Variants in EBF3 observed in about 807,000 individuals in gnomAD.
The protein encoded by EBF3 is transcription factor COE3.
In EBF3, 18 loss-of-function variants were observed where a neutral mutation model predicts 77.1. The observed-to-expected ratio is 0.23, with a 90% CI of 0.16 to 0.35. EBF3 has a LOEUF of 0.35. Ranked by LOEUF, EBF3 falls within the 10% of genes least tolerant of loss-of-function variation. The probability of loss-of-function intolerance (pLI) is 1.00; values close to 1 mark genes in which losing one functional copy is unlikely to be tolerated. For missense variants in EBF3, 558 were observed against 860.0 expected, an observed-to-expected ratio of 0.65 and a Z score of 4.39; for synonymous variants, 350 against 343.5, an observed-to-expected ratio of 1.02 and a Z score of -0.21.
At chr10:129,889,099 G>A (rs1853825161) in intron 6 of EBF3, among the ~76,000 whole-genome samples, 1 of 152,230 alleles carries the variant, frequency 6.6e-6, no homozygotes, top group South Asian at 2.1e-4. Flanking sequence ...AGGCAGCCCA[G>A]CATCTGCAGA....
chr10:129,895,264 CT>C (rs1343773728), intron 6 of EBF3, among the ~76,000 whole-genome samples: 3 of 152,224 alleles, frequency 2.0e-5, no homozygotes, highest in African/African-American at 7.2e-5. Context: ...CCTGGCTGCT[CT>C]TAGCTCCTGA....
At chr10:129,941,058 G>A (rs1024890637) in intron 6 of EBF3, among the ~76,000 whole-genome samples, 1 of 152,160 alleles carries the variant, frequency 6.6e-6, no homozygotes, top group Non-Finnish European at 1.5e-5. Flanking sequence ...GGGAGAGCCC[G>A]CCCACTCCCT....
At chr10:129,859,279 T>C (rs935689651) in intron 10 of EBF3, among the ~76,000 whole-genome samples, 2 of 152,224 alleles carry the variant, frequency 1.3e-5, no homozygotes, top group African/African-American at 4.8e-5. Flanking sequence ...TGGAGTGTGG[T>C]GGCACAATCT....
intron 6 of EBF3, among the ~76,000 whole-genome samples, chr10:129,881,799 C>T (rs886920921): frequency 3.3e-5 from 5 of 152,230 alleles, no homozygotes; most frequent in Admixed American, 6.5e-5. Flanking sequence ...GGTGCCACTC[C>T]GGATATCTTG....
At chr10:129,920,902 T>C (rs1303429094) in intron 6 of EBF3, among the ~76,000 whole-genome samples, 1 of 152,042 alleles carries the variant, frequency 6.6e-6, no homozygotes, top group East Asian at 1.9e-4. Flanking sequence ...GTCCTAGCTC[T>C]CCTGCCTGAG....
intron 6 of EBF3, among the ~76,000 whole-genome samples, chr10:129,890,065 C>T (rs920386188): frequency 2.0e-5 from 3 of 150,510 alleles, no homozygotes; most frequent in Non-Finnish European, 2.9e-5. Flanking sequence ...CTCATGTGCC[C>T]GAGTCCTTAC....
At position 129,910,632 on chromosome 10, in the gene EBF3, C is replaced by T. The variant is rs1457032014; in HGVS notation, c.555-32783G>A. ...AGGTGTACGGATTGTCCACCCAGCTCCTACGCTCCCTGCTGTGGGTCCCCC... is the reference window on the plus strand; with the variant it reads ...AGGTGTACGGATTGTCCACCCAGCTTCTACGCTCCCTGCTGTGGGTCCCCC... On this transcript the variant is annotated intron_variant, in intron 6 of 16. Coordinates refer to ENST00000440978, the MANE Select transcript of EBF3 (RefSeq NM_001375380.1). 2.0e-5 allele frequency among the ~76,000 whole-genome samples: 3 copies of T among 152,138 alleles called. No homozygotes were observed. In the East Asian group the frequency reaches 5.8e-4, roughly 29 times the overall value.
At chr10:129,956,254 C>T (rs896847077) in intron 6 of EBF3, among the ~76,000 whole-genome samples, 1 of 152,196 alleles carries the variant, frequency 6.6e-6, no homozygotes, top group Admixed American at 6.5e-5. Flanking sequence ...AGTTCATGAT[C>T]AAAAGATAAC....
chr10:129,918,683 C>T (rs923001918), intron 6 of EBF3, among the ~76,000 whole-genome samples: 2 of 152,206 alleles, frequency 1.3e-5, no homozygotes, highest in Non-Finnish European at 2.9e-5. Flanking sequence ...CAGGTCAGAG[C>T]CATCAGGAGT....
rs1404321538 is a variant in EBF3 at position 129,842,383 on chromosome 10, C to A, written c.1195-90G>T. 3 of 1,440,562 alleles carry A rather than the reference C, an allele frequency of 2.1e-6. No homozygotes were observed. The African/African-American group carries it at 4.3e-5, about 21-fold the overall frequency. 89.2% of individuals were successfully genotyped at this position (1,440,562 alleles called of 1,614,324 possible). On this transcript the variant is annotated intron_variant, in intron 12 of 16. Coordinates refer to ENST00000440978, the MANE Select transcript of EBF3 (RefSeq NM_001375380.1). The surrounding 1 kb of genome is among the most constrained non-coding windows in gnomAD (Gnocchi z 4.4). ...GGGGGCCCACCATGGTGGCATCCCA[C>A]TGTCCCTTGCCCAGACCATGACCAA...
At chr10:129,867,746 G>T (rs1456539990) in intron 9 of EBF3, 36 bp downstream of exon 9, 1 of 1,610,628 alleles carries the variant, frequency 6.2e-7, no homozygotes, top group South Asian at 1.1e-5. Flanking sequence ...CATGAAGACA[G>T]CAACAGCGCG....
intron 12 of EBF3, 105 bp downstream of exon 12, chr10:129,843,032 G>A: frequency 4.3e-6 from 5 of 1,152,420 alleles, no homozygotes; most frequent in Non-Finnish European, 6.3e-6. Context: ...GGAGTCGCTG[G>A]AAAAGCATGC....
intron 16 of EBF3, among the ~76,000 whole-genome samples, chr10:129,838,305 A>G (rs1464659656): frequency 3.3e-5 from 5 of 152,262 alleles, no homozygotes; most frequent in Admixed American, 2.6e-4. Context: ...TGCAAAGCCA[A>G]CGGAGGCCCG....
intron 6 of EBF3, among the ~76,000 whole-genome samples, chr10:129,932,822 A>G (rs1367060050): frequency 6.6e-6 from 1 of 151,922 alleles, no homozygotes; most frequent in East Asian, 1.9e-4. Flanking sequence ...AATTAAAACC[A>G]GCCGTCATCC....
At chr10:129,867,553 G>T (rs1419764094) in intron 9 of EBF3, among the ~76,000 whole-genome samples, 2 of 152,216 alleles carry the variant, frequency 1.3e-5, no homozygotes, top group Admixed American at 6.5e-5. Context: ...AGCACTAATT[G>T]TTCCAGTGGA....
chr10:129,926,989 G>A (rs563980800), intron 6 of EBF3, among the ~76,000 whole-genome samples: 91 of 152,326 alleles, frequency 6.0e-4, no homozygotes, highest in African/African-American at 2.1e-3. Context: ...ATCCTCCACC[G>A]TGGCCCCAGG....
intron 6 of EBF3, among the ~76,000 whole-genome samples, chr10:129,922,511 C>T (rs1856380865): frequency 6.6e-6 from 1 of 152,220 alleles, no homozygotes; most frequent in South Asian, 2.1e-4. Context: ...CCCTGGAGGG[C>T]AGGTCTGGGT....
intron 6 of EBF3, among the ~76,000 whole-genome samples, chr10:129,894,807 A>G (rs1257682196): frequency 5.9e-5 from 9 of 152,188 alleles, no homozygotes; most frequent in Admixed American, 5.9e-4. Context: ...GCTTCCTCTG[A>G]CAGTAGGTAA....
rs1853539120 is a variant in EBF3 at position 129,885,866 on chromosome 10, C to A, written c.555-8017G>T. Among the ~76,000 whole-genome samples the A allele has an allele frequency of 6.6e-6, 1 of 152,142 alleles. No individual in the cohort carries two copies. The highest frequency in any genetic ancestry group is 1.5e-5 in the Non-Finnish European group (1 of 68,026). ...TTACAGGTTATGCAGAGATTAAGTG[C>A]CTATGCTTATCCCAACTTAGGGTTT... On this transcript the variant is annotated intron_variant, in intron 6 of 16. Transcript: ENST00000440978. The surrounding 1 kb of genome is among the most constrained non-coding windows in gnomAD (Gnocchi z 4.0).
Sources: allele counts gnomAD v4.1 joint callset (sites outside exome capture counted in the v4.1 genomes callset), GRCh38; gene constraint gnomAD v4.1.1; non-coding constraint Gnocchi (gnomAD v3.1); transcripts MANE v1.5; gene names NCBI Gene and HGNC (gene_info 2026-07-23, HGNC 2026-07-21).